The following RXFP1 variants were observed in gnomAD, a reference collection of about 807,000 sequenced individuals.
RXFP1 encodes the protein relaxin family peptide receptor 1.
Under a neutral mutation model 89.8 loss-of-function variants are expected in RXFP1, and 73 were observed. The ratio of observed to expected loss-of-function variants is 0.81; its 90% CI spans 0.67 to 0.99. The LOEUF (loss-of-function observed/expected upper bound fraction) is 0.99. RXFP1 is among the 50% of genes least tolerant of loss of function. The probability of loss-of-function intolerance (pLI) is 0.00; values close to 1 mark genes in which losing one functional copy is unlikely to be tolerated. For missense variants in RXFP1, 793 were observed against 895.5 expected, an observed-to-expected ratio of 0.89 and a Z score of 1.46; for synonymous variants, 277 against 305.5, an observed-to-expected ratio of 0.91 and a Z score of 0.97.
At chr4:158,626,123 G>GATAA (rs1766699395) in intron 9 of RXFP1, among the ~76,000 whole-genome samples, 2 of 110,194 alleles carry the variant, frequency 1.8e-5, no homozygotes, top group African/African-American at 6.0e-5. Context: ...TAGATAGATA[G>GATAA]ATAGATAGAT....
intron 4 of RXFP1, among the ~76,000 whole-genome samples, chr4:158,601,211 C>T (rs556917870): frequency 2.0e-5 from 3 of 151,924 alleles, no homozygotes; most frequent in African/African-American, 4.8e-5. Context: ...CAGTTTTCAA[C>T]CCCTGGTATA....
chr4:158,554,889 G>A (rs766532372), intron 1 of RXFP1, among the ~76,000 whole-genome samples: 15 of 151,998 alleles, frequency 9.9e-5, no homozygotes, highest in South Asian at 2.1e-4. Flanking sequence ...AATCTGCTCC[G>A]CTATTGTAAC....
intron 9 of RXFP1, among the ~76,000 whole-genome samples, chr4:158,617,721 A>T (rs1764869144): frequency 6.6e-6 from 1 of 152,144 alleles, no homozygotes; most frequent in African/African-American, 2.4e-5. Flanking sequence ...CCATCCAGTA[A>T]ATTTGCCTAT....
intron 2 of RXFP1, among the ~76,000 whole-genome samples, chr4:158,575,557 A>T (rs922416431): frequency 6.6e-6 from 1 of 152,168 alleles, no homozygotes. Flanking sequence ...ACGTGAGGTC[A>T]TAAGAGTGGA....
intron 2 of RXFP1, among the ~76,000 whole-genome samples, chr4:158,585,874 A>G (rs1371032776): frequency 1.3e-5 from 2 of 152,244 alleles, no homozygotes; most frequent in East Asian, 3.9e-4. Context: ...CATTAATCTT[A>G]TTTGAGTGTC....
chr4:158,538,521 G>T (rs1448454440), intron 1 of RXFP1, among the ~76,000 whole-genome samples: 1 of 151,948 alleles, frequency 6.6e-6, no homozygotes, highest in Non-Finnish European at 1.5e-5. Context: ...TTTGTGGGGA[G>T]AAAGAATAGG....
At chr4:158,626,256 G>A (rs1459873483) in intron 9 of RXFP1, among the ~76,000 whole-genome samples, 3 of 152,050 alleles carry the variant, frequency 2.0e-5, no homozygotes, top group African/African-American at 4.8e-5. Context: ...CTCTGTCTGC[G>A]CTGGCCTTTG....
Position 158,553,372 on chromosome 4 carries a change from GAA to G in RXFP1, c.50-19322_50-19321del, listed in dbSNP as rs142697427. Among the ~76,000 whole-genome samples the G allele has an allele frequency of 2.4e-3, 361 of 152,262 alleles. 4 individuals carry two copies. In the East Asian group the frequency reaches 0.025, roughly 10 times the overall value. ...CAGCATGTTTTCAGGGGCTAAGCCAGAAAAAGAGGTAAACATTGATGATGCTT... is the reference window on the plus strand; with the variant it reads ...CAGCATGTTTTCAGGGGCTAAGCCAGAAAGAGGTAAACATTGATGATGCTT... On this transcript the variant is annotated intron_variant, in intron 1 of 17. Transcript: ENST00000307765.
chr4:158,535,319 A>G (rs1191169841), intron 1 of RXFP1, among the ~76,000 whole-genome samples: 1 of 152,204 alleles, frequency 6.6e-6, no homozygotes, highest in African/African-American at 2.4e-5. Flanking sequence ...CAGAGTTAGG[A>G]TGGTAATATA....
chr4:158,527,552 C>CAAA (rs759769435), intron 1 of RXFP1, among the ~76,000 whole-genome samples: 87 of 104,100 alleles, frequency 8.4e-4, no homozygotes, highest in African/African-American at 2.8e-3. Context: ...TCCCCCGCTC[C>CAAA]AAAAAAAAAA....
At chr4:158,524,330 C>G (rs779015958) in intron 1 of RXFP1, among the ~76,000 whole-genome samples, 1 of 152,142 alleles carries the variant, frequency 6.6e-6, no homozygotes, top group Non-Finnish European at 1.5e-5. Context: ...CCGTTACAGA[C>G]GTAAGCAACT....
At chr4:158,538,761 G>A (rs1254455816) in intron 1 of RXFP1, among the ~76,000 whole-genome samples, 2 of 147,576 alleles carry the variant, frequency 1.4e-5, no homozygotes, top group Admixed American at 6.9e-5. Flanking sequence ...CTGAGATCGC[G>A]CCATTGCACT....
chr4:158,596,914 G>A (rs1760726222), intron 3 of RXFP1, among the ~76,000 whole-genome samples: 1 of 152,124 alleles, frequency 6.6e-6, no homozygotes, highest in African/African-American at 2.4e-5. Flanking sequence ...CTGCACCCTG[G>A]AAGACATTTG....
In RXFP1 at chr4:158,576,427, T is replaced by A. The variant is rs190093044; in HGVS notation, c.187+3592T>A. On this transcript the variant is annotated intron_variant, in intron 2 of 17. Coordinates refer to ENST00000307765, the MANE Select transcript of RXFP1 (RefSeq NM_021634.4). ...TTTAAAAAAGAAAAAATAATTATTT[T>A]AAAATATTTATATAAAAATTTAAAA... Among the ~76,000 whole-genome samples, 379 of 151,824 alleles carry A rather than the reference T, an allele frequency of 2.5e-3. 2 individuals carry two copies. The highest frequency in any genetic ancestry group is 8.5e-3 in the African/African-American group (353 of 41,560).
At chr4:158,548,759 A>T (rs1390575063) in intron 1 of RXFP1, among the ~76,000 whole-genome samples, 1 of 152,162 alleles carries the variant, frequency 6.6e-6, no homozygotes, top group East Asian at 1.9e-4. Context: ...TCTTTTCTCT[A>T]AGAATGTTGA....
chr4:158,575,573 A>G (rs987791224), intron 2 of RXFP1, among the ~76,000 whole-genome samples: 7 of 152,158 alleles, frequency 4.6e-5, no homozygotes, highest in Non-Finnish European at 7.4e-5. Flanking sequence ...GTGGATTAGC[A>G]TCCTTATGAG....
intron 14 of RXFP1, among the ~76,000 whole-genome samples, chr4:158,643,468 GTTT>G (rs59869659): frequency 1.8e-5 from 2 of 112,816 alleles, no homozygotes; most frequent in African/African-American, 3.5e-5. Flanking sequence ...TCATATGCTA[GTTT>G]TTTTTTTTTT....
intron 1 of RXFP1, among the ~76,000 whole-genome samples, chr4:158,552,600 G>A (rs1308660420): frequency 2.0e-5 from 3 of 152,134 alleles, no homozygotes; most frequent in Non-Finnish European, 4.4e-5. Context: ...CCAAGTAGCC[G>A]TGTTTTTGGC....
At chr4:158,619,762 A>G (rs1765254995) in intron 9 of RXFP1, among the ~76,000 whole-genome samples, 1 of 152,102 alleles carries the variant, frequency 6.6e-6, no homozygotes, top group Non-Finnish European at 1.5e-5. Context: ...GGGACCAGGC[A>G]AAGGTCCATT....
Sources: gnomAD v4.1 joint callset for allele counts (sites outside exome capture counted in the v4.1 genomes callset) on GRCh38, gnomAD v4.1.1 for gene constraint, MANE v1.5 for transcripts, NCBI Gene and HGNC (gene_info 2026-07-23, HGNC 2026-07-21) for gene names.